SLC44A5: variants seen among roughly 807,000 people sequenced by gnomAD.
SLC44A5 encodes the protein solute carrier family 44 member 5.
A neutral mutation model predicts 101.8 loss-of-function variants in SLC44A5; 57 were observed. The ratio of observed to expected loss-of-function variants is 0.56; its 90% CI spans 0.45 to 0.70. SLC44A5 has a LOEUF of 0.70. Ranked by LOEUF, SLC44A5 falls within the 30% of genes least tolerant of loss-of-function variation. SLC44A5 has a pLI of 0.00. For synonymous variants in SLC44A5, 281 were observed against 290.9 expected (o/e 0.97, Z 0.35); for missense variants, 737 against 853.1 (o/e 0.86, Z 1.70).
At chr1:75,224,374 TA>T (rs1229993787) in intron 13 of SLC44A5, among the ~76,000 whole-genome samples, 1 of 152,130 alleles carries the variant, frequency 6.6e-6, no homozygotes, top group Non-Finnish European at 1.5e-5. Context: ...CTACTTACTA[TA>T]AAAAAAGTTA....
chr1:75,299,507 A>G (rs926482578), intron 5 of SLC44A5, among the ~76,000 whole-genome samples: 1 of 152,170 alleles, frequency 6.6e-6, no homozygotes, highest in Non-Finnish European at 1.5e-5. Flanking sequence ...TTCTATCCAC[A>G]TTGACTCCAT....
chr1:75,603,698 C>T (rs1168753507), intron 1 of SLC44A5, among the ~76,000 whole-genome samples: 1 of 127,224 alleles, frequency 7.9e-6, no homozygotes, highest in Non-Finnish European at 1.6e-5. Context: ...GATGGTATCT[C>T]GTGATTTTTG....
At chr1:75,448,202 A>C (rs1292561485) in intron 2 of SLC44A5, among the ~76,000 whole-genome samples, 3 of 152,180 alleles carry the variant, frequency 2.0e-5, no homozygotes, top group Admixed American at 2.0e-4. Flanking sequence ...TGAGTAGAAC[A>C]AAGGCAGTGG....
intron 2 of SLC44A5, among the ~76,000 whole-genome samples, chr1:75,524,816 A>C (rs893016889): frequency 2.6e-5 from 4 of 152,156 alleles, no homozygotes; most frequent in Non-Finnish European, 5.9e-5. Flanking sequence ...ATTTTATAAT[A>C]TATATCCTTA....
At chr1:75,613,080 C>T (rs2102191004), upstream of SLC44A5, among the ~76,000 whole-genome samples, 1 of 152,304 alleles carries the variant, frequency 6.6e-6, no homozygotes, top group Non-Finnish European at 1.5e-5. Context: ...AATTTCTAGG[C>T]TTATGGATAG....
chr1:75,576,418 C>T (rs1243172834), intron 1 of SLC44A5, among the ~76,000 whole-genome samples: 1 of 151,886 alleles, frequency 6.6e-6, no homozygotes, highest in Non-Finnish European at 1.5e-5. Context: ...GGGTTCGCAC[C>T]ATTCTCCTGC....
chr1:75,551,054 C>T (rs539936368), intron 1 of SLC44A5, among the ~76,000 whole-genome samples: 2 of 152,130 alleles, frequency 1.3e-5, no homozygotes, highest in East Asian at 1.9e-4. Flanking sequence ...ACACAGTAGA[C>T]CCTCAATCAC....
At chr1:75,504,771 A>T (rs1427681955) in intron 2 of SLC44A5, among the ~76,000 whole-genome samples, 1 of 152,106 alleles carries the variant, frequency 6.6e-6, no homozygotes, top group East Asian at 1.9e-4. Flanking sequence ...AGTATACAAA[A>T]GTTTTCTGTA....
intron 6 of SLC44A5, among the ~76,000 whole-genome samples, chr1:75,263,781 C>T (rs1156485969): frequency 2.0e-5 from 3 of 152,132 alleles, no homozygotes; most frequent in Non-Finnish European, 4.4e-5. Flanking sequence ...ACATATACAC[C>T]ATGGACTACT....
intron 3 of SLC44A5, among the ~76,000 whole-genome samples, chr1:75,390,412 A>AC (rs985060074): frequency 5.5e-5 from 8 of 146,308 alleles, no homozygotes; most frequent in African/African-American, 2.0e-4. Context: ...ATCCTTAACA[A>AC]AAAAAAAAAA....
intron 6 of SLC44A5, among the ~76,000 whole-genome samples, chr1:75,268,892 G>T (rs150401619): frequency 2.6e-4 from 40 of 152,022 alleles, no homozygotes; most frequent in Admixed American, 6.5e-4. Context: ...CATTTAGGTT[G>T]TTTCCATTTT....
intron 3 of SLC44A5, among the ~76,000 whole-genome samples, chr1:75,351,354 G>A (rs78451616): frequency 0.067 from 10,170 of 151,922 alleles, 1,080 homozygotes; most frequent in African/African-American, 0.23. Context: ...GTAGGACGAT[G>A]GATATCTATA....
chr1:75,610,096 C>T (rs2102181745), intron 1 of SLC44A5, among the ~76,000 whole-genome samples: 1 of 150,914 alleles, frequency 6.6e-6, no homozygotes, highest in Non-Finnish European at 1.5e-5. Context: ...GTTCTTCCCA[C>T]ACAGAGCTAA....
Position 75,251,254 on chromosome 1 carries a change from T to TACAGCGTAACAGGTTA in SLC44A5, c.285_300dup (p.Thr101Ter). 1 of 1,613,590 alleles carries TACAGCGTAACAGGTTA rather than the reference T, an allele frequency of 6.2e-7. No homozygotes were observed. The highest frequency in any genetic ancestry group is 8.5e-7 in the Non-Finnish European group (1 of 1,179,620). ...AGGTTTAGCAACACGGAGGGACTGGTACAGCGTAACAGGTTAAAGTAAAAC... is the reference window on the plus strand; with the variant it reads ...AGGTTTAGCAACACGGAGGGACTGGTACAGCGTAACAGGTTAACAGCGTAACAGGTTAAAGTAAAAC... On this transcript the variant is annotated stop_gained and frameshift_variant, in exon 7 of 24. Coordinates refer to ENST00000370859, the MANE Select transcript of SLC44A5 (RefSeq NM_001130058.2). LOFTEE classifies it high-confidence loss of function.
intron 2 of SLC44A5, among the ~76,000 whole-genome samples, chr1:75,477,260 C>G (rs1327672313): frequency 6.6e-6 from 1 of 152,134 alleles, no homozygotes; most frequent in Non-Finnish European, 1.5e-5. Flanking sequence ...CTGTACATTA[C>G]CATCATCAAA....
chr1:75,644,638 A>G, the SLC44A5 span, among the ~76,000 whole-genome samples: 2 of 92,372 alleles, frequency 2.2e-5, no homozygotes, highest in East Asian at 2.5e-3. Flanking sequence ...CTTTATATAT[A>G]TATATTTTTT....
intron 3 of SLC44A5, among the ~76,000 whole-genome samples, chr1:75,391,327 A>G (rs1169386065): frequency 1.3e-5 from 2 of 152,124 alleles, no homozygotes; most frequent in African/African-American, 4.8e-5. Context: ...CACCAACACC[A>G]TTTTTTGCAG....
intron 4 of SLC44A5, among the ~76,000 whole-genome samples, chr1:75,308,963 T>C (rs1472365431): frequency 1.3e-5 from 2 of 152,258 alleles, no homozygotes; most frequent in African/African-American, 4.8e-5. Flanking sequence ...TAAAAAATAT[T>C]GCCTGATGAT....
intron 2 of SLC44A5, among the ~76,000 whole-genome samples, chr1:75,534,290 A>G (rs1670880175): frequency 6.6e-6 from 1 of 152,320 alleles, no homozygotes; most frequent in African/African-American, 2.4e-5. Flanking sequence ...AGAAAAAAAA[A>G]ATAAAGCCGG....
Sources: gnomAD v4.1 joint callset for allele counts (sites outside exome capture counted in the v4.1 genomes callset) on GRCh38, gnomAD v4.1.1 for gene constraint, MANE v1.5 for transcripts, NCBI Gene and HGNC (gene_info 2026-07-23, HGNC 2026-07-21) for gene names.